ADAMTS16: variants seen among roughly 807,000 people sequenced by gnomAD.
ADAMTS16 encodes the protein ADAM metallopeptidase with thrombospondin type 1 motif 16, also known as A disintegrin and metalloproteinase with thrombospondin motifs 16.
In ADAMTS16, 94 loss-of-function variants were observed where a neutral mutation model predicts 145.8. The observed-to-expected ratio is 0.64, with a 90% CI of 0.55 to 0.77. The LOEUF (loss-of-function observed/expected upper bound fraction) is 0.77, where lower values mean the gene tolerates loss of function less well. ADAMTS16 is among the 30% of genes least tolerant of loss of function. The pLI, the probability that ADAMTS16 is intolerant of heterozygous loss-of-function variation, is 0.00. For synonymous variants in ADAMTS16, 659 were observed against 604.3 expected, an observed-to-expected ratio of 1.09 and a Z score of -1.33; for missense variants, 1,585 against 1,591.5, an observed-to-expected ratio of 1.00 and a Z score of 0.07.
chr5:5,173,662 A>G (rs1399024616), intron 3 of ADAMTS16, among the ~76,000 whole-genome samples: 1 of 151,718 alleles, frequency 6.6e-6, no homozygotes, highest in East Asian at 1.9e-4. Context: ...TTTAGTAGAG[A>G]TGGGGTTTCA....
chr5:5,208,867 C>A (rs561566850), intron 9 of ADAMTS16, among the ~76,000 whole-genome samples: 3 of 152,052 alleles, frequency 2.0e-5, no homozygotes, highest in Non-Finnish European at 4.4e-5. Flanking sequence ...AAATCGTCTC[C>A]CTGGAACAGG....
At chr5:5,191,030 T>C (rs1261252101) in intron 7 of ADAMTS16, among the ~76,000 whole-genome samples, 2 of 152,188 alleles carry the variant, frequency 1.3e-5, no homozygotes, top group African/African-American at 4.8e-5. Flanking sequence ...TTCTAATGAG[T>C]GTCCCTGGTG....
intron 18 of ADAMTS16, among the ~76,000 whole-genome samples, chr5:5,284,561 G>C (rs1343658765): frequency 6.6e-6 from 1 of 152,164 alleles, no homozygotes; most frequent in Non-Finnish European, 1.5e-5. Flanking sequence ...GTGTTGTTCA[G>C]AAGGATGATT....
chr5:5,207,776 A>T (rs535423284), intron 9 of ADAMTS16, among the ~76,000 whole-genome samples: 1 of 150,942 alleles, frequency 6.6e-6, no homozygotes, highest in South Asian at 2.1e-4. Context: ...TCATCTGTTG[A>T]TATGATCGTG....
intron 18 of ADAMTS16, among the ~76,000 whole-genome samples, chr5:5,280,325 A>T (rs1028528028): frequency 1.3e-5 from 2 of 152,222 alleles, no homozygotes; most frequent in Non-Finnish European, 2.9e-5. Flanking sequence ...TCTCTAGAGA[A>T]GGATCCTGTG....
chr5:5,205,925 C>T (rs1736094160), intron 9 of ADAMTS16, among the ~76,000 whole-genome samples: 1 of 152,152 alleles, frequency 6.6e-6, no homozygotes, highest in South Asian at 2.1e-4. Flanking sequence ...ACATTTATTT[C>T]ACAGAGCAGA....
intron 3 of ADAMTS16, among the ~76,000 whole-genome samples, chr5:5,150,739 C>T (rs1378933177): frequency 1.3e-5 from 2 of 152,192 alleles, no homozygotes. Flanking sequence ...ATGGGGAGGA[C>T]TCAGTTGGTC....
At chr5:5,197,162 C>T (rs1341125001) in intron 8 of ADAMTS16, among the ~76,000 whole-genome samples, 1 of 152,202 alleles carries the variant, frequency 6.6e-6, no homozygotes, top group African/African-American at 2.4e-5. Context: ...TTAAGAATGT[C>T]TCATGTCCTT....
intron 8 of ADAMTS16, among the ~76,000 whole-genome samples, chr5:5,193,101 T>C (rs1295982205): frequency 1.3e-5 from 2 of 152,134 alleles, no homozygotes; most frequent in Non-Finnish European, 1.5e-5. Context: ...TTATCCATTA[T>C]TGGAAAATGG....
chr5:5,306,949 A>G (rs562751454), intron 21 of ADAMTS16, among the ~76,000 whole-genome samples: 1 of 152,278 alleles, frequency 6.6e-6, no homozygotes, highest in East Asian at 1.9e-4. Flanking sequence ...TTTAGGGCAC[A>G]TATGTTTTCC....
chr5:5,180,772 A>G (rs1735316606), intron 3 of ADAMTS16, among the ~76,000 whole-genome samples: 1 of 152,196 alleles, frequency 6.6e-6, no homozygotes, highest in South Asian at 2.1e-4. Flanking sequence ...TCCTTACACT[A>G]TATTTCCTGG....
At position 5,140,596 on chromosome 5, in the gene ADAMTS16, G is replaced by T. The variant is rs562002866; in HGVS notation, c.72+57G>T. 7.4e-4 allele frequency: 1,121 copies of T among 1,516,410 alleles called. 4 individuals are homozygous for T. In the Middle Eastern group the frequency reaches 8.9e-3, roughly 12 times the overall value. The allele number at this position is 1,516,410 out of a possible 1,614,324, so 93.9% of individuals were successfully genotyped here. On this transcript the variant is annotated intron_variant, in intron 1 of 22. Transcript: ENST00000274181. ...ACCGCGGGTCCGGACAGCTGGAGGC[G>T]AGTCCCCCGCGGCTCCTCTCCCGCG...
intron 17 of ADAMTS16, among the ~76,000 whole-genome samples, chr5:5,254,359 T>G (rs1179038240): frequency 6.6e-6 from 1 of 152,190 alleles, no homozygotes; most frequent in Admixed American, 6.5e-5. Flanking sequence ...TGTCAAATTG[T>G]GTCAGCCAGC....
At chr5:5,197,019 G>A (rs1162028996) in intron 8 of ADAMTS16, among the ~76,000 whole-genome samples, 3 of 152,264 alleles carry the variant, frequency 2.0e-5, no homozygotes, top group Non-Finnish European at 4.4e-5. Context: ...TTTCATGGAG[G>A]GTGAGCTGTG....
chr5:5,189,413 G>GA (rs1735596358), intron 6 of ADAMTS16, among the ~76,000 whole-genome samples: 1 of 152,180 alleles, frequency 6.6e-6, no homozygotes, highest in South Asian at 2.1e-4. Flanking sequence ...TTTAGTTGCA[G>GA]TTTATTTTCC....
At chr5:5,238,963 A>G (rs1737200073) in intron 14 of ADAMTS16, among the ~76,000 whole-genome samples, 188 bp from the exon 15 acceptor site, 2 of 152,204 alleles carry the variant, frequency 1.3e-5, no homozygotes, top group Non-Finnish European at 2.9e-5. Context: ...AGCTTCCTAC[A>G]TTTTTGAAGG....
intron 18 of ADAMTS16, among the ~76,000 whole-genome samples, chr5:5,274,674 G>GTA (rs143884062): frequency 4.0e-5 from 6 of 150,032 alleles, no homozygotes; most frequent in African/African-American, 1.0e-4. Flanking sequence ...GTGTATATGT[G>GTA]TATATATATA....
intron 3 of ADAMTS16, among the ~76,000 whole-genome samples, chr5:5,147,890 C>T (rs1734345814): frequency 1.3e-5 from 2 of 152,124 alleles, no homozygotes; most frequent in Non-Finnish European, 2.9e-5. Flanking sequence ...GCTAACCCAG[C>T]AAGGATGCAA....
intron 22 of ADAMTS16, 27 bp from the exon 23 acceptor site, chr5:5,318,996 G>T: frequency 6.5e-7 from 1 of 1,541,138 alleles, no homozygotes. Context: ...CGGGATCGCT[G>T]AGTAATGCAG....
Sources: allele counts gnomAD v4.1 joint callset (sites outside exome capture counted in the v4.1 genomes callset), GRCh38; gene constraint gnomAD v4.1.1; transcripts MANE v1.5; gene names NCBI Gene and HGNC (gene_info 2026-07-23, HGNC 2026-07-21).